GBF1: variants seen among roughly 807,000 people sequenced by gnomAD.
GBF1 encodes Golgi-specific brefeldin A-resistance guanine nucleotide exchange factor 1.
Under a neutral mutation model 210.5 loss-of-function variants are expected in GBF1, and 114 were observed. The ratio of observed to expected loss-of-function variants is 0.54; its 90% CI spans 0.47 to 0.63. The LOEUF is 0.63. GBF1 is among the 30% of genes least tolerant of loss of function. The probability of loss-of-function intolerance (pLI) is 0.00; values close to 1 mark genes in which losing one functional copy is unlikely to be tolerated. For synonymous variants in GBF1, 850 were observed against 889.2 expected, an observed-to-expected ratio of 0.96 and a Z score of 0.78; for missense variants, 1,851 against 2,357.7, an observed-to-expected ratio of 0.79 and a Z score of 4.45.
intron 3 of GBF1, among the ~76,000 whole-genome samples, chr10:102,285,622 T>C (rs996619848): frequency 6.6e-6 from 1 of 152,196 alleles, no homozygotes; most frequent in Non-Finnish European, 1.5e-5. Context: ...CTTGCATCTA[T>C]ATATTTTGTG....
intron 3 of GBF1, among the ~76,000 whole-genome samples, chr10:102,308,730 TA>T (rs2078146233): frequency 1.4e-5 from 1 of 70,918 alleles, no homozygotes; most frequent in Non-Finnish European, 2.7e-5. Flanking sequence ...TGTTGTGGGG[TA>T]GGGGGAGGGG....
intron 3 of GBF1, among the ~76,000 whole-genome samples, chr10:102,331,829 C>T (rs1197956779): frequency 1.3e-5 from 2 of 148,688 alleles, no homozygotes; most frequent in Non-Finnish European, 3.0e-5. Flanking sequence ...GGACTACAGG[C>T]GCACGCCACC....
chr10:102,368,655 A>G (rs2060039742), intron 22 of GBF1, 84 bp from the exon 23 acceptor site: 1 of 964,212 alleles, frequency 1.0e-6, no homozygotes, highest in African/African-American at 1.6e-5. Flanking sequence ...TGACTGGGGA[A>G]GAGCCCCATG....
chr10:102,304,618 C>T (rs868323977), intron 3 of GBF1, among the ~76,000 whole-genome samples: 1 of 150,822 alleles, frequency 6.6e-6, no homozygotes, highest in Non-Finnish European at 1.5e-5. Flanking sequence ...ACTAAAAATA[C>T]AAAAAAATTA....
In GBF1 at chr10:102,363,253, C is replaced by T; in HGVS notation, c.1877-3C>T. On this transcript the variant is annotated splice_region_variant and splice_polypyrimidine_tract_variant and intron_variant, in intron 15 of 39. Transcript: ENST00000369983. This position sits in a 1 kb window ranked among gnomAD's most constrained non-coding sequence, Gnocchi z 4.2. The stretch of plus-strand genomic sequence containing the variant: ...CTTCACGTATCTTCTTCTCTCTTAC[C>T]AGCTGAGAGAACTGCCAGCGATGGG... 1 of 1,610,050 alleles carries T rather than the reference C, an allele frequency of 6.2e-7. No homozygotes were observed. Among genetic ancestry groups the T allele is most frequent in the Non-Finnish European group, 8.5e-7 (1 of 1,177,794 alleles).
intron 3 of GBF1, among the ~76,000 whole-genome samples, chr10:102,327,041 A>T (rs762269515): frequency 6.6e-6 from 1 of 152,186 alleles, no homozygotes; most frequent in Non-Finnish European, 1.5e-5. Context: ...GTCACAGCAT[A>T]TACACTATTA....
chr10:102,313,029 T>C (rs2078615043), intron 3 of GBF1, among the ~76,000 whole-genome samples: 1 of 152,108 alleles, frequency 6.6e-6, no homozygotes, highest in Admixed American at 6.6e-5. Context: ...GTCTTATAGA[T>C]ACAGTACTTT....
intron 3 of GBF1, among the ~76,000 whole-genome samples, chr10:102,262,790 T>G (rs2073400062): frequency 6.6e-6 from 1 of 152,202 alleles, no homozygotes; most frequent in South Asian, 2.1e-4. Flanking sequence ...GCTATCAAAG[T>G]TGAGTCTGAC....
chr10:102,302,839 A>AAT (rs1386972645), intron 3 of GBF1, among the ~76,000 whole-genome samples: 2 of 152,148 alleles, frequency 1.3e-5, no homozygotes, highest in African/African-American at 4.8e-5. Flanking sequence ...AACATCCTAC[A>AAT]ATGCATAGGA....
intron 14 of GBF1, among the ~76,000 whole-genome samples, 198 bp from the exon 15 acceptor site, chr10:102,362,277 C>A (rs1450126046): frequency 6.6e-6 from 1 of 151,740 alleles, no homozygotes; most frequent in Non-Finnish European, 1.5e-5. Flanking sequence ...AGGATGGTCT[C>A]GATCTCCTGA....
chr10:102,242,139 A>G (rs1282779306), upstream of GBF1, among the ~76,000 whole-genome samples: 2 of 151,852 alleles, frequency 1.3e-5, no homozygotes, highest in Non-Finnish European at 2.9e-5. Flanking sequence ...CTCTTTCCTC[A>G]TATCTTTCCT....
chr10:102,243,684 G>A (rs1328196793), upstream of GBF1, among the ~76,000 whole-genome samples: 1 of 152,184 alleles, frequency 6.6e-6, no homozygotes, highest in Non-Finnish European at 1.5e-5. Flanking sequence ...AATGTGGAAA[G>A]AGGTGCTATG....
intron 3 of GBF1, among the ~76,000 whole-genome samples, chr10:102,277,917 G>A (rs538548442): frequency 4.0e-5 from 6 of 151,690 alleles, no homozygotes; most frequent in East Asian, 3.9e-4. Context: ...ATCTGGGACC[G>A]TTCTTTAGCT....
intron 3 of GBF1, among the ~76,000 whole-genome samples, chr10:102,316,188 G>A (rs571503220): frequency 1.3e-5 from 2 of 150,124 alleles, no homozygotes; most frequent in East Asian, 4.0e-4. Flanking sequence ...CTGGGTTCAA[G>A]CGATTCTCCT....
At chr10:102,297,690 A>G (rs1370409174) in intron 3 of GBF1, among the ~76,000 whole-genome samples, 2 of 152,194 alleles carry the variant, frequency 1.3e-5, no homozygotes, top group Non-Finnish European at 2.9e-5. Context: ...GATCTTATTG[A>G]ATTCCTTTGG....
chr10:102,259,903 T>G (rs1224794924), intron 2 of GBF1, 147 bp from the exon 3 acceptor site: 11 of 573,528 alleles, frequency 1.9e-5, no homozygotes, highest in Non-Finnish European at 3.1e-5. Context: ...CAGAAAAATA[T>G]GAACTATGGC....
At chr10:102,287,492 T>C (rs1165877890) in intron 3 of GBF1, among the ~76,000 whole-genome samples, 1 of 151,970 alleles carries the variant, frequency 6.6e-6, no homozygotes, top group Non-Finnish European at 1.5e-5. Flanking sequence ...CTGGTCTATT[T>C]CACACAATTT....
At chr10:102,350,225 T>C (rs1191218026) in intron 4 of GBF1, among the ~76,000 whole-genome samples, 1 of 151,968 alleles carries the variant, frequency 6.6e-6, no homozygotes, top group Non-Finnish European at 1.5e-5. Context: ...GGCGCATGCC[T>C]GTAATCCCAG....
chr10:102,374,398 A>G (rs1417425205), intron 29 of GBF1, among the ~76,000 whole-genome samples: 1 of 151,994 alleles, frequency 6.6e-6, no homozygotes, highest in Non-Finnish European at 1.5e-5. Flanking sequence ...GGATGGGGGC[A>G]GGAAGGAGGA....
Sources: gnomAD v4.1 joint callset for allele counts (sites outside exome capture counted in the v4.1 genomes callset) on GRCh38, gnomAD v4.1.1 for gene constraint, Gnocchi (gnomAD v3.1) non-coding constraint, MANE v1.5 for transcripts, NCBI Gene and HGNC (gene_info 2026-07-23, HGNC 2026-07-21) for gene names.